EPHA7: variants seen among roughly 807,000 people sequenced by gnomAD.
EPHA7 encodes the protein EPH receptor A7.
EPHA7 carries 25 observed loss-of-function variants against 112.6 expected under a neutral mutation model. The ratio of observed to expected loss-of-function variants is 0.22; its 90% CI spans 0.16 to 0.31. The LOEUF (loss-of-function observed/expected upper bound fraction) is 0.31, where lower values mean the gene tolerates loss of function less well. Ranked by LOEUF, EPHA7 falls within the 10% of genes least tolerant of loss-of-function variation. EPHA7 has a pLI of 1.00. For missense variants in EPHA7, 962 were observed against 1,212.6 expected, an observed-to-expected ratio of 0.79 and a Z score of 3.07; for synonymous variants, 437 against 406.5, an observed-to-expected ratio of 1.07 and a Z score of -0.90.
intron 5 of EPHA7, among the ~76,000 whole-genome samples, chr6:93,278,345 T>C (rs1771567148): frequency 6.6e-6 from 1 of 152,026 alleles, no homozygotes; most frequent in African/African-American, 2.4e-5. Context: ...TAATAGAATT[T>C]CTCTTAATGT....
intron 3 of EPHA7, among the ~76,000 whole-genome samples, chr6:93,365,517 T>C (rs1376292251): frequency 1.3e-5 from 2 of 152,184 alleles, no homozygotes; most frequent in Non-Finnish European, 1.5e-5. Context: ...AGAACTGACC[T>C]CATCTGGGAT....
At chr6:93,406,303 GAGA>G (rs1582683635) in intron 3 of EPHA7, among the ~76,000 whole-genome samples, 1 of 151,372 alleles carries the variant, frequency 6.6e-6, no homozygotes, top group Admixed American at 6.6e-5. Flanking sequence ...ACTTCCAAAT[GAGA>G]AGAATTTTTT....
At chr6:93,270,185 C>T (rs563618281) in intron 6 of EPHA7, among the ~76,000 whole-genome samples, 144 of 151,494 alleles carry the variant, frequency 9.5e-4, no homozygotes, top group African/African-American at 3.4e-3. Context: ...TAAACCACTT[C>T]TGCAAAACAG....
intron 3 of EPHA7, among the ~76,000 whole-genome samples, chr6:93,359,874 G>GAGAGAGAGAGAGAGATAGATAGAT (rs1462833873): frequency 1.9e-4 from 24 of 127,932 alleles, no homozygotes; most frequent in Admixed American, 4.8e-4. Flanking sequence ...GAGAGAGAGA[G>GAGAGAGAGAGAGAGATAGATAGAT]AGATAGATAG....
chr6:93,264,753 T>C, intron 7 of EPHA7, 51 bp from the exon 8 acceptor site: 1 of 1,084,538 alleles, frequency 9.2e-7, no homozygotes, highest in Non-Finnish European at 1.3e-6. Context: ...TGCAAGAACT[T>C]GAAAGGTTAA....
intron 3 of EPHA7, among the ~76,000 whole-genome samples, chr6:93,388,863 T>C (rs913758948): frequency 2.6e-5 from 4 of 151,924 alleles, no homozygotes; most frequent in African/African-American, 9.7e-5. Context: ...TTAGAAACTA[T>C]GGGAGGAAAT....
intron 14 of EPHA7, among the ~76,000 whole-genome samples, chr6:93,251,301 G>A (rs440799): frequency 0.65 from 98,118 of 151,548 alleles, 32,804 homozygotes; most frequent in South Asian, 0.83. Flanking sequence ...TTACTTATGA[G>A]TATATTATAT....
At chr6:93,343,108 T>C (rs73532318) in intron 5 of EPHA7, among the ~76,000 whole-genome samples, 368 of 151,866 alleles carry the variant, frequency 2.4e-3, no homozygotes, top group African/African-American at 8.6e-3. Flanking sequence ...CAAATAGTCA[T>C]TTGACTTTTC....
intron 5 of EPHA7, among the ~76,000 whole-genome samples, chr6:93,325,998 A>T (rs549498786): frequency 6.6e-6 from 1 of 151,512 alleles, no homozygotes; most frequent in East Asian, 1.9e-4. Context: ...CATCAATGAG[A>T]TCTAACAAAG....
At chr6:93,317,027 T>C (rs1773849226) in intron 5 of EPHA7, among the ~76,000 whole-genome samples, 1 of 152,216 alleles carries the variant, frequency 6.6e-6, no homozygotes, top group African/African-American at 2.4e-5. Context: ...CATTTCTCCC[T>C]GGCTGCTCTT....
chr6:93,396,168 A>C (rs1396737904), intron 3 of EPHA7, among the ~76,000 whole-genome samples: 1 of 151,846 alleles, frequency 6.6e-6, no homozygotes, highest in African/African-American at 2.4e-5. Flanking sequence ...TATCTGTCGA[A>C]ATTAACCTTG....
intron 14 of EPHA7, among the ~76,000 whole-genome samples, chr6:93,248,329 T>C (rs1020580051): frequency 6.6e-6 from 1 of 151,992 alleles, no homozygotes; most frequent in African/African-American, 2.4e-5. Context: ...TGAAAAAAAA[T>C]TCTTTTGTAT....
At chr6:93,363,919 T>C (rs1184593316) in intron 3 of EPHA7, among the ~76,000 whole-genome samples, 3 of 152,156 alleles carry the variant, frequency 2.0e-5, no homozygotes, top group African/African-American at 7.2e-5. Flanking sequence ...CTTTAAAACA[T>C]GCTACATAAG....
chr6:93,335,520 T>C lies in EPHA7; in HGVS notation c.1324+21197A>G, dbSNP rs189567404. ...TACTTTTTAAAAAGTGAAATAATTATATTTTTAAAAAGCACCTGTGTTTTA... is the reference window on the plus strand; with the variant it reads ...TACTTTTTAAAAAGTGAAATAATTACATTTTTAAAAAGCACCTGTGTTTTA... On this transcript the variant is annotated intron_variant, in intron 5 of 16. Coordinates refer to ENST00000369303, the MANE Select transcript of EPHA7 (RefSeq NM_004440.4). Among the ~76,000 whole-genome samples the C allele has an allele frequency of 2.8e-3, 424 of 152,202 alleles. 2 individuals are homozygous for C. The highest frequency in any genetic ancestry group is 9.6e-3 in the African/African-American group (399 of 41,542).
intron 3 of EPHA7, among the ~76,000 whole-genome samples, chr6:93,374,836 T>C (rs1419554863): frequency 9.2e-5 from 14 of 152,140 alleles, no homozygotes; most frequent in Admixed American, 9.2e-4. Context: ...TAAAGAACAA[T>C]GTAAGAGTGT....
chr6:93,293,799 T>C (rs1772509085), intron 5 of EPHA7, among the ~76,000 whole-genome samples: 2 of 152,196 alleles, frequency 1.3e-5, no homozygotes, highest in African/African-American at 2.4e-5. Context: ...AAAAATGTTA[T>C]ATGTTAATTA....
intron 5 of EPHA7, among the ~76,000 whole-genome samples, chr6:93,328,864 C>A (rs2127898102): frequency 6.6e-6 from 1 of 151,206 alleles, no homozygotes; most frequent in South Asian, 2.1e-4. Context: ...TTTGATTATA[C>A]AATAAAATAG....
rs540380547 is a variant in EPHA7 at position 93,243,970 on chromosome 6, T to A, written c.2883-430A>T. Among the ~76,000 whole-genome samples, 103 of 152,250 alleles carry A rather than the reference T, an allele frequency of 6.8e-4. 2 individuals are homozygous for A. The highest frequency in any genetic ancestry group is 2.4e-3 in the African/African-American group (99 of 41,568). On this transcript the variant is annotated intron_variant, in intron 16 of 16. Transcript: ENST00000369303. The stretch of plus-strand genomic sequence containing the variant: ...GATCTAGTAGAAAAATTGGAACTCA[T>A]CAATGACCATGTAAGTTTTTATACT...
At chr6:93,290,614 C>T (rs967519) in intron 5 of EPHA7, among the ~76,000 whole-genome samples, 67,749 of 151,876 alleles carry the variant, frequency 0.45, 15,957 homozygotes, top group South Asian at 0.7. Context: ...TCTCTCTCTC[C>T]TTTAATTTTA....
Sources: gnomAD v4.1 joint callset for allele counts (sites outside exome capture counted in the v4.1 genomes callset) on GRCh38, gnomAD v4.1.1 for gene constraint, MANE v1.5 for transcripts, NCBI Gene and HGNC (gene_info 2026-07-23, HGNC 2026-07-21) for gene names.